MTHFD1L: variants seen among roughly 807,000 people sequenced by gnomAD.
The protein encoded by MTHFD1L is methylenetetrahydrofolate dehydrogenase (NADP+ dependent) 1 like, also known as monofunctional C1-tetrahydrofolate synthase, mitochondrial.
In MTHFD1L, 81 loss-of-function variants were observed where a neutral mutation model predicts 119.5. The observed-to-expected ratio is 0.68, with a 90% confidence interval of 0.57 to 0.82. The LOEUF is 0.82. Ranked by LOEUF, MTHFD1L falls within the 40% of genes least tolerant of loss-of-function variation. The probability of loss-of-function intolerance (pLI) is 0.00; values close to 1 mark genes in which losing one functional copy is unlikely to be tolerated. For missense variants in MTHFD1L, 1,125 were observed against 1,253.4 expected, an observed-to-expected ratio of 0.90 and a Z score of 1.55; for synonymous variants, 430 against 475.2, an observed-to-expected ratio of 0.90 and a Z score of 1.24.
At chr6:150,953,052 T>C (rs2128980905) in intron 16 of MTHFD1L, among the ~76,000 whole-genome samples, 1 of 152,286 alleles carries the variant, frequency 6.6e-6, no homozygotes, top group African/African-American at 2.4e-5. Context: ...CTCCCTCGCA[T>C]GCCCAACTCC....
At chr6:150,945,683 C>A in intron 15 of MTHFD1L, 142 bp downstream of exon 15, 1 of 722,196 alleles carries the variant, frequency 1.4e-6, no homozygotes. Context: ...AGAGACCGAA[C>A]ACTGGAGCAG....
intron 20 of MTHFD1L, among the ~76,000 whole-genome samples, chr6:150,983,858 C>T (rs978662508): frequency 2.6e-5 from 4 of 152,270 alleles, no homozygotes; most frequent in African/African-American, 9.6e-5. Flanking sequence ...GCAACCTCTA[C>T]CTCCTGGGCT....
rs78758737 is a variant in MTHFD1L at position 151,019,533 on chromosome 6, T to A, written c.2586+3840T>A. ...CTGAAAGGAGGAAAATGTTTAATAA[T>A]AATGTGGTCTAAAGTCCTCTATTGA... On this transcript the variant is annotated intron_variant, in intron 24 of 27. Transcript: ENST00000367321. Among the ~76,000 whole-genome samples the A allele has an allele frequency of 9.9e-3, 1,510 of 152,290 alleles. 25 individuals are homozygous for A. The highest frequency in any genetic ancestry group is 0.034 in the African/African-American group (1,430 of 41,540).
chr6:150,948,031 G>A (rs1794271810), intron 15 of MTHFD1L, among the ~76,000 whole-genome samples: 1 of 151,206 alleles, frequency 6.6e-6, no homozygotes, highest in Non-Finnish European at 1.5e-5. Flanking sequence ...TTTTGAGACG[G>A]AGTTTCACTC....
intron 9 of MTHFD1L, among the ~76,000 whole-genome samples, chr6:150,921,109 C>T (rs571777344): frequency 6.8e-6 from 1 of 147,270 alleles, no homozygotes; most frequent in Non-Finnish European, 1.5e-5. Flanking sequence ...ATGCCACCAC[C>T]ACGCCCGGCT....
At chr6:151,043,058 G>T (rs1259831246) in intron 26 of MTHFD1L, among the ~76,000 whole-genome samples, 2 of 152,062 alleles carry the variant, frequency 1.3e-5, no homozygotes, top group East Asian at 3.9e-4. Context: ...GCAAAGAAAG[G>T]CCATAAGAGC....
intron 27 of MTHFD1L, chr6:151,099,877 C>T (rs372886621): frequency 1.9e-6 from 3 of 1,546,056 alleles, no homozygotes; most frequent in Non-Finnish European, 2.7e-6. Context: ...AGCTGCCCAA[C>T]TGGCCATCAC....
In MTHFD1L at chr6:150,926,446, T is replaced by C. The variant is rs1790002987; in HGVS notation, c.1256+151T>C. On this transcript the variant is annotated intron_variant, in intron 11 of 27. Transcript: ENST00000367321. This position sits in a 1 kb window ranked among gnomAD's most constrained non-coding sequence, Gnocchi z 4.3. ...TGGCATTTCTTTATTTGGTGTGAGA[T>C]AAGTTTTTATTTTCAGTGCAGAGCA... 2.6e-6 allele frequency: 2 copies of C among 776,162 alleles called. No homozygotes were observed. Among genetic ancestry groups the C allele is most frequent in the Admixed American group, 3.2e-5 (1 of 31,180 alleles). 48.1% of individuals were successfully genotyped at this position (776,162 alleles called of 1,614,324 possible). A position where few individuals can be genotyped will look rare whatever the true frequency, so the allele number is the denominator to read the frequency against.
Position 150,866,007 on chromosome 6 carries a change from G to T in MTHFD1L, c.185G>T (p.Ser62Ile). ...GATGGCCAGGCCCGGAGCAGCTGCA[G>T]CCCCGGCGGCCGAACGCCCGCGGCG... Reference protein sequence around the residue: ...PQDGQARSSCSPGGRTPAARD... With the variant: ...PQDGQARSSCIPGGRTPAARD... Residue 62 changes from serine to isoleucine, a missense_variant, in exon 1 of 28, where the codon AGC becomes ATC. Transcript: ENST00000367321. 7.2e-7 allele frequency: 1 copy of T among 1,381,654 alleles called. No homozygotes were observed. The highest frequency in any genetic ancestry group is 9.3e-7 in the Non-Finnish European group (1 of 1,072,832). The allele number at this position is 1,381,654 out of a possible 1,614,324, so 85.6% of individuals were successfully genotyped here.
intron 26 of MTHFD1L, among the ~76,000 whole-genome samples, chr6:151,056,761 C>T (rs1790004525): frequency 6.6e-6 from 1 of 152,162 alleles, no homozygotes; most frequent in South Asian, 2.1e-4. Flanking sequence ...AGGACTTCTA[C>T]TGTAGACTTA....
intron 20 of MTHFD1L, among the ~76,000 whole-genome samples, chr6:150,982,809 C>T (rs1431895373): frequency 6.6e-6 from 1 of 152,002 alleles, no homozygotes; most frequent in African/African-American, 2.4e-5. Context: ...AAGCAATTCT[C>T]CTGCCTCAGC....
intron 26 of MTHFD1L, among the ~76,000 whole-genome samples, chr6:151,048,353 A>G (rs1788439309): frequency 6.6e-6 from 1 of 152,080 alleles, no homozygotes; most frequent in Admixed American, 6.5e-5. Flanking sequence ...AAGTCGCCTC[A>G]CCCACCATCT....
chr6:151,069,910 A>G lies in MTHFD1L; in HGVS notation c.2848-22557A>G, dbSNP rs537499460. ...GCTATGTTTTTCTATTTCAGCACAC[A>G]GTAAAACACTACCTCTTAGATGTCG... On this transcript the variant is annotated intron_variant, in intron 26 of 27. Transcript: ENST00000367321. 3.3e-5 allele frequency among the ~76,000 whole-genome samples: 5 copies of G among 152,352 alleles called. No homozygotes were observed. In the South Asian group the frequency reaches 6.2e-4, roughly 19 times the overall value.
intron 13 of MTHFD1L, chr6:150,939,372 A>G (rs1313449478): frequency 1.3e-5 from 2 of 152,448 alleles, no homozygotes; most frequent in African/African-American, 4.8e-5. Flanking sequence ...AAATGGGCAA[A>G]AAGAACTGAC....
At chr6:150,867,189 C>T (rs1778527811) in intron 1 of MTHFD1L, among the ~76,000 whole-genome samples, 1 of 152,074 alleles carries the variant, frequency 6.6e-6, no homozygotes, top group African/African-American at 2.4e-5. Context: ...TTTTCTTGTT[C>T]TCTGTCTTCT....
chr6:150,905,593 A>T, intron 7 of MTHFD1L, 57 bp from the exon 8 acceptor site: 2 of 1,236,414 alleles, frequency 1.6e-6, no homozygotes, highest in Non-Finnish European at 1.2e-6. Flanking sequence ...ATCAGTAGTT[A>T]CTTGTGTCTT....
At chr6:150,929,355 A>G (rs1790601735) in intron 11 of MTHFD1L, among the ~76,000 whole-genome samples, 1 of 152,204 alleles carries the variant, frequency 6.6e-6, no homozygotes, top group African/African-American at 2.4e-5. Flanking sequence ...AGATAGGAAC[A>G]CTTAAGGAAA....
chr6:150,959,295 G>A, intron 17 of MTHFD1L: 1 of 716,170 alleles, frequency 1.4e-6, no homozygotes, highest in South Asian at 6.4e-5. Context: ...TCCCACCAGG[G>A]CACAGCCATT....
rs1790821328 is a variant in MTHFD1L at position 151,062,972 on chromosome 6, ATG to A, written c.2847+25857_2847+25858del. Among the ~76,000 whole-genome samples the A allele has an allele frequency of 2.6e-5, 4 of 152,172 alleles. No homozygotes were observed. The South Asian group carries it at 6.2e-4, about 24-fold the overall frequency. On this transcript the variant is annotated intron_variant, in intron 26 of 27. Transcript: ENST00000367321. Reference sequence around the variant, plus strand: ...TGGGTGCAGCACACCAACATGGCACATGTATACATATGTAACAAACCTGCACC... The same window carrying A: ...TGGGTGCAGCACACCAACATGGCACATATACATATGTAACAAACCTGCACC...
Sources: gnomAD v4.1 joint callset for allele counts (sites outside exome capture counted in the v4.1 genomes callset) on GRCh38, gnomAD v4.1.1 for gene constraint, Gnocchi (gnomAD v3.1) non-coding constraint, MANE v1.5 for transcripts, NCBI Gene and HGNC (gene_info 2026-07-23, HGNC 2026-07-21) for gene names.